Variants in SLC12A7 observed in about 807,000 individuals in gnomAD.
SLC12A7 encodes solute carrier family 12 member 7.
A neutral mutation model predicts 120.6 loss-of-function variants in SLC12A7; 100 were observed. The ratio of observed to expected loss-of-function variants is 0.83; its 90% CI spans 0.71 to 0.98. The LOEUF is 0.98. Ranked by LOEUF, SLC12A7 falls within the 50% of genes least tolerant of loss-of-function variation. SLC12A7 has a pLI of 0.00. For missense variants in SLC12A7, 1,373 were observed against 1,548.1 expected (o/e 0.89, Z 1.90); for synonymous variants, 760 against 678.0 (o/e 1.12, Z -1.88).
In SLC12A7 at chr5:1,050,723, G is replaced by C. The variant is rs1012661248; in HGVS notation, c.*1637C>G. 1 of 396,626 alleles carries C rather than the reference G, an allele frequency of 2.5e-6. No homozygotes were observed. The highest frequency in any genetic ancestry group is 2.1e-5 in the African/African-American group (1 of 48,614). The allele number at this position is 396,626 out of a possible 1,614,324, so 24.6% of individuals were successfully genotyped here. On this transcript the variant is annotated 3_prime_UTR_variant, in exon 24 of 24. Transcript: ENST00000264930. ...GGACCTGCCGGCCCCATCCAGACATGGAGGAGCGTTTTGCTGCTTAACTCA... is the reference window on the plus strand; with the variant it reads ...GGACCTGCCGGCCCCATCCAGACATCGAGGAGCGTTTTGCTGCTTAACTCA...
chr5:1,096,846 G>A (rs1247710592), intron 1 of SLC12A7, among the ~76,000 whole-genome samples: 1 of 93,486 alleles, frequency 1.1e-5, no homozygotes, highest in South Asian at 5.4e-4. Flanking sequence ...GGGAGGGAGG[G>A]AAGGAGGGAG....
the SLC12A7 span, among the ~76,000 whole-genome samples, chr5:1,130,619 G>GCGGCTGCCCGCGCAGGTCCCC: frequency 1.6e-4 from 24 of 150,674 alleles, no homozygotes; most frequent in African/African-American, 4.9e-4. Flanking sequence ...CTTAGCCAGG[G>GCGGCTGCCCGCGCAGGTCCCC]TGGGGGCAGC....
At chr5:1,094,872 C>G (rs993137912) in intron 1 of SLC12A7, among the ~76,000 whole-genome samples, 17 of 152,098 alleles carry the variant, frequency 1.1e-4, no homozygotes, top group African/African-American at 4.1e-4. Context: ...GGGGCTGAGC[C>G]CAGGCTTCGA....
In SLC12A7 at chr5:1,063,853, C is replaced by T. The variant is rs1308205976; in HGVS notation, c.2730G>A (p.Val910=). ...AGCCCTCGGGACTCACCATCTCCAC[C>T]ACCTCCACCTCGGCGCTGATGCGCA... The part of the protein sequence containing the change: ...YHLRISAEVE[V]VEMVENDISA... Residue 910 remains valine, a synonymous_variant, in exon 20 of 24, where the codon GTG becomes GTA. Transcript: ENST00000264930. 5 of 1,606,648 alleles carry T rather than the reference C, an allele frequency of 3.1e-6. No homozygotes were observed. The highest frequency in any genetic ancestry group is 1.4e-5 in the African/African-American group (1 of 73,824).
upstream of SLC12A7, among the ~76,000 whole-genome samples, chr5:1,113,929 G>A (rs1415448725): frequency 6.6e-6 from 1 of 152,222 alleles, no homozygotes; most frequent in East Asian, 1.9e-4. Flanking sequence ...GCCTTCCCAA[G>A]TGATGCCAGC....
chr5:1,138,228 A>G, the SLC12A7 span, among the ~76,000 whole-genome samples: 4 of 152,318 alleles, frequency 2.6e-5, no homozygotes, highest in Admixed American at 6.5e-5. Flanking sequence ...CATCATTGAA[A>G]TGAACCCCAG....
the SLC12A7 span, among the ~76,000 whole-genome samples, chr5:1,150,927 G>A: frequency 7.9e-5 from 12 of 152,262 alleles, no homozygotes; most frequent in Non-Finnish European, 1.6e-4. Flanking sequence ...TCCCAACAAG[G>A]AGAGCATGCA....
At chr5:1,155,885 G>C in the SLC12A7 span, among the ~76,000 whole-genome samples, 1 of 151,516 alleles carries the variant, frequency 6.6e-6, no homozygotes, top group Non-Finnish European at 1.5e-5. Context: ...CGACGGCTGC[G>C]GGGAGCGGGG....
Position 1,087,087 on chromosome 5 carries a change from C to T in SLC12A7, c.545-54G>A, listed in dbSNP as rs1367120286. The T allele has an allele frequency of 1.7e-5, 27 of 1,553,584 alleles. No individual in the cohort carries two copies. The East Asian group carries it at 3.1e-4, about 18-fold the overall frequency. Reference sequence around the variant, plus strand: ...TCAGGGGCGCACTTGGACTCGGACCCGAGGTGCGGTCTGCGCTGCCATTCA... The same window carrying T: ...TCAGGGGCGCACTTGGACTCGGACCTGAGGTGCGGTCTGCGCTGCCATTCA... On this transcript the variant is annotated intron_variant, in intron 5 of 23. Coordinates refer to ENST00000264930, the MANE Select transcript of SLC12A7 (RefSeq NM_006598.3).
chr5:1,136,454 G>C, the SLC12A7 span, among the ~76,000 whole-genome samples: 1 of 123,616 alleles, frequency 8.1e-6, no homozygotes, highest in Non-Finnish European at 1.6e-5. Flanking sequence ...ACCAGGACAC[G>C]CAGGCACACG....
chr5:1,112,962 ACCCT>A (rs1473528972), upstream of SLC12A7, among the ~76,000 whole-genome samples: 7 of 148,512 alleles, frequency 4.7e-5, no homozygotes, highest in African/African-American at 1.5e-4. Flanking sequence ...CTGCCCTAGA[ACCCT>A]CCCTTCCCTC....
intron 5 of SLC12A7, among the ~76,000 whole-genome samples, chr5:1,087,558 T>C (rs962860393): frequency 6.6e-6 from 1 of 152,214 alleles, no homozygotes; most frequent in Non-Finnish European, 1.5e-5. Flanking sequence ...GACGCGGCCA[T>C]CGTGAAGCAG....
At chr5:1,115,796 G>C (rs1743292604), upstream of SLC12A7, among the ~76,000 whole-genome samples, 1 of 150,490 alleles carries the variant, frequency 6.6e-6, no homozygotes, top group African/African-American at 2.5e-5. Flanking sequence ...GTGGGGGAGA[G>C]AGCGAATAGG....
At chr5:1,076,288 C>G (rs756038216) in intron 13 of SLC12A7, 52 bp from the exon 14 acceptor site, 357 of 1,438,952 alleles carry the variant, frequency 2.5e-4, no homozygotes, top group Non-Finnish European at 3.3e-4. Flanking sequence ...CCCTGAGCCC[C>G]CAGTCACTGC....
At chr5:1,055,189 C>T (rs1422276167) in intron 22 of SLC12A7, among the ~76,000 whole-genome samples, 1 of 152,210 alleles carries the variant, frequency 6.6e-6, no homozygotes, top group Non-Finnish European at 1.5e-5. Flanking sequence ...GGCATAGTCA[C>T]ACTAATACAC....
chr5:1,053,591 G>T, intron 22 of SLC12A7, 109 bp from the exon 23 acceptor site: 1 of 1,384,870 alleles, frequency 7.2e-7, no homozygotes, highest in Non-Finnish European at 9.8e-7. Context: ...GGAAAGGGCT[G>T]TGTGAGTCAG....
At chr5:1,079,328 G>A in intron 10 of SLC12A7, 70 bp downstream of exon 10, 5 of 1,217,162 alleles carry the variant, frequency 4.1e-6, no homozygotes, top group South Asian at 3.7e-5. Flanking sequence ...ATGATGCTGA[G>A]CCGGGGAGGG....
chr5:1,073,280 CACGGGCATCACACTTAT>C (rs1452508994), intron 17 of SLC12A7, among the ~76,000 whole-genome samples: 18 of 139,316 alleles, frequency 1.3e-4, no homozygotes, highest in South Asian at 2.3e-4. Flanking sequence ...GCCCCCAGCA[CACGGGCATCACACTTAT>C]GCAGCCCCCA....
intron 10 of SLC12A7, among the ~76,000 whole-genome samples, chr5:1,079,085 G>A (rs1056102004): frequency 6.6e-6 from 1 of 152,156 alleles, no homozygotes; most frequent in Non-Finnish European, 1.5e-5. Flanking sequence ...GCAGCCTTGG[G>A]ATTGAGAAGC....
Sources: allele counts gnomAD v4.1 joint callset (sites outside exome capture counted in the v4.1 genomes callset), GRCh38; gene constraint gnomAD v4.1.1; transcripts MANE v1.5; gene names NCBI Gene and HGNC (gene_info 2026-07-23, HGNC 2026-07-21).